Variants in ASIC2 observed in about 807,000 individuals in gnomAD.
The protein encoded by ASIC2 is acid sensing ion channel subunit 2.
In ASIC2, 25 loss-of-function variants were observed where a neutral mutation model predicts 57.3. The ratio of observed to expected loss-of-function variants is 0.44; its 90% CI spans 0.32 to 0.61. ASIC2 has a LOEUF of 0.61. ASIC2 is among the 20% of genes least tolerant of loss of function. ASIC2 has a pLI of 0.06. For synonymous variants in ASIC2, 319 were observed against 307.5 expected, an observed-to-expected ratio of 1.04 and a Z score of -0.39; for missense variants, 641 against 738.1, an observed-to-expected ratio of 0.87 and a Z score of 1.52.
intron 3 of ASIC2, among the ~76,000 whole-genome samples, chr17:33,041,387 C>T (rs56031845): frequency 6.6e-6 from 1 of 151,972 alleles, no homozygotes; most frequent in African/African-American, 2.4e-5. Context: ...TGGCTGGTCT[C>T]TTTGCCTGTC....
Position 34,039,548 on chromosome 17 carries a change from G to A in ASIC2, c.555+116430C>T, listed in dbSNP as rs531515505. 371 of 1,613,788 alleles carry A rather than the reference G, an allele frequency of 2.3e-4. 3 individuals carry two copies. Among genetic ancestry groups the A allele is most frequent in the Non-Finnish European group, 7.0e-5 (83 of 1,179,882 alleles). On this transcript the variant is annotated intron_variant, in intron 1 of 9. Coordinates refer to the ASIC2 transcript ENST00000359872. ...GATAAGGAATGTTGCAGTGAGGATCGTGCAACTGGTGGAACACTTCTGCCA... is the reference window on the plus strand; with the variant it reads ...GATAAGGAATGTTGCAGTGAGGATCATGCAACTGGTGGAACACTTCTGCCA...
intron 1 of ASIC2, among the ~76,000 whole-genome samples, chr17:33,558,149 C>T (rs569123445): frequency 1.5e-3 from 225 of 151,526 alleles, no homozygotes; most frequent in Middle Eastern, 3.4e-3. Context: ...TGTGTGGAGA[C>T]GAGAGAGTGT....
chr17:33,430,331 C>T (rs78591022), intron 1 of ASIC2, among the ~76,000 whole-genome samples: 2,695 of 152,044 alleles, frequency 0.018, 76 homozygotes, highest in East Asian at 0.097. Flanking sequence ...CCCAAATGCT[C>T]GATGGGACTC....
intron 1 of ASIC2, among the ~76,000 whole-genome samples, chr17:33,231,389 T>G (rs1435440742): frequency 6.6e-6 from 1 of 152,150 alleles, no homozygotes; most frequent in Non-Finnish European, 1.5e-5. Context: ...CTCATGGGCA[T>G]GGCTCAAGGA....
intron 1 of ASIC2, among the ~76,000 whole-genome samples, chr17:34,095,300 C>G (rs1469885842): frequency 6.6e-6 from 1 of 152,130 alleles, no homozygotes; most frequent in Non-Finnish European, 1.5e-5. Flanking sequence ...TGCTGTCAGT[C>G]TCTTCAGAAC....
chr17:33,544,996 T>C (rs1161852734), intron 1 of ASIC2, among the ~76,000 whole-genome samples: 1 of 152,184 alleles, frequency 6.6e-6, no homozygotes, highest in Non-Finnish European at 1.5e-5. Context: ...TGCTGGGAAC[T>C]GTCTTACTTG....
intron 1 of ASIC2, among the ~76,000 whole-genome samples, chr17:34,143,484 T>C (rs1912327709): frequency 1.3e-5 from 2 of 152,238 alleles, no homozygotes; most frequent in African/African-American, 4.8e-5. Flanking sequence ...TTAGTTCCCA[T>C]GAGAGCAGAT....
At chr17:33,310,929 C>G (rs1383718488) in intron 1 of ASIC2, among the ~76,000 whole-genome samples, 1 of 152,124 alleles carries the variant, frequency 6.6e-6, no homozygotes, top group African/African-American at 2.4e-5. Context: ...TAATCTGGTT[C>G]AAGGGCTGGA....
At chr17:34,073,653 T>C (rs534952459) in intron 1 of ASIC2, among the ~76,000 whole-genome samples, 17 of 152,228 alleles carry the variant, frequency 1.1e-4, no homozygotes, top group Non-Finnish European at 2.4e-4. Flanking sequence ...GAAGGAATCC[T>C]AGAAACCTAG....
At chr17:34,046,177 G>A (rs1158133780) in intron 1 of ASIC2, among the ~76,000 whole-genome samples, 2 of 152,168 alleles carry the variant, frequency 1.3e-5, no homozygotes. Context: ...ACATGACCAG[G>A]TAAGATGAGC....
chr17:33,874,149 C>T (rs879199263), intron 1 of ASIC2, among the ~76,000 whole-genome samples: 7 of 152,162 alleles, frequency 4.6e-5, no homozygotes, highest in African/African-American at 1.4e-4. Flanking sequence ...GACCATCTAG[C>T]GATGCCCTGG....
At chr17:33,143,656 A>G (rs140865001) in intron 1 of ASIC2, among the ~76,000 whole-genome samples, 59 of 152,326 alleles carry the variant, frequency 3.9e-4, no homozygotes, top group Non-Finnish European at 7.8e-4. Context: ...CGAATCTTTT[A>G]CCAACTGCCT....
At chr17:33,579,550 T>A (rs548465843) in intron 1 of ASIC2, among the ~76,000 whole-genome samples, 2 of 152,140 alleles carry the variant, frequency 1.3e-5, no homozygotes, top group Non-Finnish European at 2.9e-5. Flanking sequence ...CCTTCAAGAA[T>A]GAAAGGGCAG....
chr17:33,522,675 C>T lies in ASIC2; in HGVS notation c.556-410608G>A, dbSNP rs117676426. Among the ~76,000 whole-genome samples the T allele has an allele frequency of 2.0e-4, 31 of 152,336 alleles. No individual in the cohort carries two copies. The East Asian group carries it at 5.6e-3, about 28-fold the overall frequency. ...CTTTCATTGAGATTTTCAGTTTTCT[C>T]ATCTGTGGAATAAGAATTCTTGTCT... On this transcript the variant is annotated intron_variant, in intron 1 of 9. Coordinates refer to the ASIC2 transcript ENST00000359872.
chr17:34,093,233 C>A (rs979105115), intron 1 of ASIC2, among the ~76,000 whole-genome samples: 7 of 152,280 alleles, frequency 4.6e-5, no homozygotes, highest in Admixed American at 3.9e-4. Flanking sequence ...ACTCCTTCAC[C>A]TTTTCTAGCT....
intron 3 of ASIC2, among the ~76,000 whole-genome samples, chr17:33,037,173 C>T (rs2091912322): frequency 6.8e-6 from 1 of 147,644 alleles, no homozygotes. Flanking sequence ...CCCTACATTG[C>T]TCAATATTGG....
At chr17:34,038,433 T>A in intron 1 of ASIC2, 2 of 1,612,326 alleles carry the variant, frequency 1.2e-6, no homozygotes, top group Non-Finnish European at 1.7e-6. Flanking sequence ...TTCTCCTTTT[T>A]CTCATCTCTC....
At chr17:33,664,970 A>G (rs1023678498) in intron 1 of ASIC2, among the ~76,000 whole-genome samples, 1 of 152,236 alleles carries the variant, frequency 6.6e-6, no homozygotes, top group African/African-American at 2.4e-5. Flanking sequence ...AAAAGCTGCA[A>G]TTGTTAAAGT....
At chr17:33,262,492 G>A (rs1420009347) in intron 1 of ASIC2, among the ~76,000 whole-genome samples, 1 of 151,824 alleles carries the variant, frequency 6.6e-6, no homozygotes, top group Non-Finnish European at 1.5e-5. Context: ...GGAAGGGAAG[G>A]ATGAATATAT....
Sources: allele counts gnomAD v4.1 joint callset (sites outside exome capture counted in the v4.1 genomes callset), GRCh38; gene constraint gnomAD v4.1.1; transcripts MANE v1.5; gene names NCBI Gene and HGNC (gene_info 2026-07-23, HGNC 2026-07-21).